EYA4: variants seen among roughly 807,000 people sequenced by gnomAD.
The protein encoded by EYA4 is protein phosphatase EYA4.
Under a neutral mutation model 87.9 loss-of-function variants are expected in EYA4, and 31 were observed. That is an observed-to-expected ratio of 0.35 (90% CI 0.27 to 0.48). The LOEUF (loss-of-function observed/expected upper bound fraction) is 0.48, where lower values mean the gene tolerates loss of function less well. Among genes scored for constraint, EYA4 ranks in the 20% least tolerant of loss-of-function variants. The pLI, the probability that EYA4 is intolerant of heterozygous loss-of-function variation, is 0.99. For synonymous variants in EYA4, 263 were observed against 270.6 expected (o/e 0.97, Z 0.28); for missense variants, 678 against 761.4 (o/e 0.89, Z 1.29).
At chr6:133,248,798 G>C (rs1278197265) in intron 1 of EYA4, 1 of 151,874 alleles carries the variant, frequency 6.6e-6, no homozygotes, top group Non-Finnish European at 1.5e-5. Context: ...CTAAAACAAT[G>C]CTTCTAGTAG....
At chr6:133,305,163 A>G (rs1779709357) in intron 2 of EYA4, among the ~76,000 whole-genome samples, 2 of 152,156 alleles carry the variant, frequency 1.3e-5, no homozygotes, top group South Asian at 2.1e-4. Context: ...TGAGAAATGC[A>G]AAGAGTCATG....
chr6:133,339,063 A>T (rs1006586889), intron 2 of EYA4, among the ~76,000 whole-genome samples: 1 of 152,162 alleles, frequency 6.6e-6, no homozygotes, highest in Non-Finnish European at 1.5e-5. Context: ...TAAGGAAAGC[A>T]TGTGCTGTGT....
chr6:133,404,010 C>T (rs369090989), intron 3 of EYA4, among the ~76,000 whole-genome samples: 2 of 152,082 alleles, frequency 1.3e-5, no homozygotes, highest in African/African-American at 4.8e-5. Flanking sequence ...GATGGGGTTT[C>T]TCCATGTTGG....
intron 3 of EYA4, among the ~76,000 whole-genome samples, chr6:133,423,180 G>C (rs769961819): frequency 6.6e-6 from 1 of 152,124 alleles, no homozygotes; most frequent in African/African-American, 2.4e-5. Flanking sequence ...AGGGGAAGGA[G>C]AGAGGGAACA....
chr6:133,319,502 A>T (rs1780885162), intron 2 of EYA4, among the ~76,000 whole-genome samples: 1 of 133,610 alleles, frequency 7.5e-6, no homozygotes, highest in Non-Finnish European at 1.7e-5. Context: ...TGCTTATTGG[A>T]TAGTGTCCCT....
intron 14 of EYA4, 50 bp downstream of exon 14, chr6:133,506,245 A>G (rs376977574): frequency 8.3e-5 from 84 of 1,007,336 alleles, no homozygotes; most frequent in Non-Finnish European, 1.1e-4. Context: ...CAGACCTCCT[A>G]GATGGTTTCT....
chr6:133,451,334 C>T (rs775137542), intron 5 of EYA4, among the ~76,000 whole-genome samples: 5 of 152,190 alleles, frequency 3.3e-5, no homozygotes, highest in Admixed American at 6.5e-5. Flanking sequence ...TTTGGCCCAA[C>T]TCCTGATATA....
intron 3 of EYA4, among the ~76,000 whole-genome samples, chr6:133,407,823 C>T (rs296431): frequency 0.35 from 53,121 of 151,966 alleles, 11,271 homozygotes; most frequent in Non-Finnish European, 0.48. Flanking sequence ...TCATATTTCT[C>T]AAATTCCTAG....
At chr6:133,473,711 G>T (rs1795477696) in intron 11 of EYA4, among the ~76,000 whole-genome samples, 1 of 151,770 alleles carries the variant, frequency 6.6e-6, no homozygotes, top group African/African-American at 2.4e-5. Flanking sequence ...TCTGGTCCTT[G>T]TCCCTTTGGG....
At position 133,485,448 on chromosome 6, in the gene EYA4, A is replaced by ACC. The variant is rs1429794858; in HGVS notation, c.1191+2333_1191+2334insCC. On this transcript the variant is annotated intron_variant, in intron 13 of 19. Transcript: ENST00000355286. Reference sequence around the variant, plus strand: ...GTTCTCTCAAAGCTATAGATGAGGAAACATATCCAGAGAAGTAATAAAAAT... The same window carrying ACC: ...GTTCTCTCAAAGCTATAGATGAGGAACCACATATCCAGAGAAGTAATAAAAAT... 4.9e-3 allele frequency among the ~76,000 whole-genome samples: 749 copies of ACC among 152,242 alleles called. 8 individuals carry two copies. Among genetic ancestry groups the ACC allele is most frequent in the African/African-American group, 0.017 (707 of 41,540 alleles).
chr6:133,296,599 A>C (rs373683010), intron 2 of EYA4, among the ~76,000 whole-genome samples: 11 of 152,112 alleles, frequency 7.2e-5, no homozygotes, highest in Non-Finnish European at 1.6e-4. Flanking sequence ...AGGGTCAGTA[A>C]TGACTGTCAG....
At chr6:133,272,275 A>G (rs1776758165) in intron 1 of EYA4, among the ~76,000 whole-genome samples, 1 of 152,132 alleles carries the variant, frequency 6.6e-6, no homozygotes, top group South Asian at 2.1e-4. Flanking sequence ...ATCATAGGGA[A>G]CTCCCGATGA....
At chr6:133,386,522 T>G (rs1436421869) in intron 3 of EYA4, among the ~76,000 whole-genome samples, 1 of 152,186 alleles carries the variant, frequency 6.6e-6, no homozygotes, top group African/African-American at 2.4e-5. Flanking sequence ...TCTGTTGAAT[T>G]TCTATTTCTG....
intron 2 of EYA4, among the ~76,000 whole-genome samples, chr6:133,361,497 C>T (rs1441620109): frequency 6.6e-6 from 1 of 152,152 alleles, no homozygotes; most frequent in African/African-American, 2.4e-5. Flanking sequence ...AGTAATAAGT[C>T]TCTGACCGAG....
rs113153466 is a variant in EYA4 at position 133,265,075 on chromosome 6, A to G, written c.-65-9641A>G. The stretch of plus-strand genomic sequence containing the variant: ...TTTCTGAGAATTGTCTTAAAACTTT[A>G]TATAGAAACTTGCTATTATGTATTT... On this transcript the variant is annotated intron_variant, in intron 1 of 19. Coordinates refer to ENST00000355286, the MANE Select transcript of EYA4 (RefSeq NM_004100.5). Among the ~76,000 whole-genome samples the G allele has an allele frequency of 6.6e-3, 998 of 152,266 alleles. 6 individuals carry two copies. The highest frequency in any genetic ancestry group is 0.014 in the Middle Eastern group (4 of 294).
intron 13 of EYA4, among the ~76,000 whole-genome samples, chr6:133,486,168 G>A (rs1415873521): frequency 6.6e-6 from 1 of 151,866 alleles, no homozygotes; most frequent in Non-Finnish European, 1.5e-5. Context: ...CATCCTTGTC[G>A]AATTCCATGA....
At position 133,529,110 on chromosome 6, in the gene EYA4, C is replaced by T. The variant is rs1800856782; in HGVS notation, c.*305C>T. 1 of 1,109,530 alleles carries T rather than the reference C, an allele frequency of 9.0e-7. No individual in the cohort carries two copies. The highest frequency in any genetic ancestry group is 2.2e-5 in the African/African-American group (1 of 46,266). The allele number at this position is 1,109,530 out of a possible 1,614,324, so 68.7% of individuals were successfully genotyped here. A position where few individuals can be genotyped will look rare whatever the true frequency, so the allele number is the denominator to read the frequency against. ...AGCAGCTTTAGCAAAGAACTCTTAC[C>T]CTGGCAAAGCAGCAACACACATGCT... On this transcript the variant is annotated 3_prime_UTR_variant, in exon 20 of 20. Transcript: ENST00000355286.
intron 2 of EYA4, among the ~76,000 whole-genome samples, chr6:133,381,889 A>T (rs922726242): frequency 1.3e-5 from 2 of 152,232 alleles, no homozygotes; most frequent in African/African-American, 4.8e-5. Context: ...ATATGTGTGA[A>T]GCAGTGCTAA....
chr6:133,410,266 A>G (rs1185231003), intron 3 of EYA4, among the ~76,000 whole-genome samples: 2 of 152,148 alleles, frequency 1.3e-5, no homozygotes, highest in Non-Finnish European at 2.9e-5. Flanking sequence ...TATTGAATAC[A>G]ACATGAGTAA....
Sources: allele counts gnomAD v4.1 joint callset (sites outside exome capture counted in the v4.1 genomes callset), GRCh38; gene constraint gnomAD v4.1.1; transcripts MANE v1.5; gene names NCBI Gene and HGNC (gene_info 2026-07-23, HGNC 2026-07-21).